Variants in SCARA5 observed in about 807,000 individuals in gnomAD.
SCARA5 encodes the protein scavenger receptor class A member 5, also known as scavenger receptor class A, member 5 (putative).
Under a neutral mutation model 46.3 loss-of-function variants are expected in SCARA5, and 45 were observed. The observed-to-expected ratio is 0.97, with a 90% CI of 0.76 to 1.24. SCARA5 has a LOEUF of 1.24. SCARA5 is among the 50% of genes most tolerant of loss of function. The pLI, the probability that SCARA5 is intolerant of heterozygous loss-of-function variation, is 0.00. For synonymous variants in SCARA5, 333 were observed against 306.5 expected (o/e 1.09, Z -0.90); for missense variants, 680 against 689.0 (o/e 0.99, Z 0.15).
intron 2 of SCARA5, among the ~76,000 whole-genome samples, chr8:27,978,336 C>T (rs932345163): frequency 2.0e-5 from 3 of 151,736 alleles, no homozygotes; most frequent in African/African-American, 7.3e-5. Flanking sequence ...TGGCCAGATT[C>T]TTGTGTCTTT....
At chr8:27,988,101 G>A (rs1808731960) in intron 1 of SCARA5, among the ~76,000 whole-genome samples, 1 of 152,208 alleles carries the variant, frequency 6.6e-6, no homozygotes, top group Admixed American at 6.5e-5. Context: ...ATATGAAGGG[G>A]CATTCAGAGG....
chr8:27,972,921 C>T (rs1808468428), intron 2 of SCARA5, among the ~76,000 whole-genome samples: 1 of 152,116 alleles, frequency 6.6e-6, no homozygotes, highest in Admixed American at 6.6e-5. Context: ...ACTGAAAGAA[C>T]CATGTCAGAA....
At chr8:27,916,774 G>C (rs1238393978) in intron 4 of SCARA5, among the ~76,000 whole-genome samples, 1 of 152,202 alleles carries the variant, frequency 6.6e-6, no homozygotes, top group East Asian at 1.9e-4. Flanking sequence ...GTGATAATGA[G>C]AGCTGGAGGC....
Position 27,922,180 on chromosome 8 carries a change from C to A in SCARA5, c.307G>T (p.Glu103Ter). ...CGCAGCTGCAAGTCCCGGAAGCTCT[C>A]ATTCAGCCGGTTCACATTGCGAGTC... is the stretch of plus-strand genomic sequence containing the variant. ...ALTRNVNRLN[E>*]SFRDLQLRLL... is the part of the protein sequence containing the mutation. The change falls in exon 4 of 9, where the codon GAG becomes TAG. Residue 103 changes from glutamate to a stop codon, truncating the protein, a stop_gained. Coordinates refer to ENST00000354914, the MANE Select transcript of SCARA5 (RefSeq NM_173833.6). LOFTEE classifies it high-confidence loss of function. 8 of 1,606,136 alleles carry A rather than the reference C, an allele frequency of 5.0e-6. No homozygotes were observed. The highest frequency in any genetic ancestry group is 6.8e-6 in the Non-Finnish European group (8 of 1,177,120).
chr8:27,938,273 A>G (rs1351516889), intron 3 of SCARA5, among the ~76,000 whole-genome samples: 1 of 152,190 alleles, frequency 6.6e-6, no homozygotes, highest in African/African-American at 2.4e-5. Flanking sequence ...GGGCACAGCA[A>G]TGTGAATATA....
intron 3 of SCARA5, among the ~76,000 whole-genome samples, chr8:27,940,382 A>G (rs1476442664): frequency 6.6e-6 from 1 of 152,190 alleles, no homozygotes; most frequent in Non-Finnish European, 1.5e-5. Flanking sequence ...CTCACAGTGC[A>G]GTAAGATCGT....
At chr8:27,942,554 C>A (rs991139111) in intron 3 of SCARA5, among the ~76,000 whole-genome samples, 1 of 152,212 alleles carries the variant, frequency 6.6e-6, no homozygotes, top group Non-Finnish European at 1.5e-5. Flanking sequence ...GGATCCAGAG[C>A]TGCCTTCCGA....
At chr8:27,948,620 C>T (rs1027000436) in intron 3 of SCARA5, among the ~76,000 whole-genome samples, 6 of 152,196 alleles carry the variant, frequency 3.9e-5, no homozygotes, top group African/African-American at 1.4e-4. Context: ...TCAAACTGGC[C>T]AGTCCCACGG....
intron 3 of SCARA5, among the ~76,000 whole-genome samples, chr8:27,941,233 G>C (rs1157670852): frequency 6.6e-6 from 1 of 152,212 alleles, no homozygotes; most frequent in Admixed American, 6.5e-5. Flanking sequence ...AATCAATTTA[G>C]ATTTAGAATA....
intron 3 of SCARA5, among the ~76,000 whole-genome samples, chr8:27,938,504 T>C (rs1045371495): frequency 6.6e-6 from 1 of 152,352 alleles, no homozygotes; most frequent in Admixed American, 6.5e-5. Flanking sequence ...ATTTAGACTG[T>C]GTTCTCAAAC....
chr8:27,899,341 G>A (rs1807113889), intron 7 of SCARA5, among the ~76,000 whole-genome samples: 1 of 152,166 alleles, frequency 6.6e-6, no homozygotes, highest in Non-Finnish European at 1.5e-5. Flanking sequence ...GAGTGAGCAG[G>A]GGAAATGAAT....
intron 3 of SCARA5, among the ~76,000 whole-genome samples, chr8:27,938,485 A>T (rs1200943874): frequency 2.6e-5 from 4 of 152,218 alleles, no homozygotes; most frequent in African/African-American, 9.6e-5. Context: ...ATAAAACCCT[A>T]TCTGACAAAT....
chr8:27,986,016 G>A (rs907151179), intron 2 of SCARA5, among the ~76,000 whole-genome samples: 1 of 152,136 alleles, frequency 6.6e-6, no homozygotes, highest in Non-Finnish European at 1.5e-5. Flanking sequence ...TCCCACCCCT[G>A]AGGCCCCCCA....
Position 27,921,963 on chromosome 8 carries a change from C to T in SCARA5, c.524G>A (p.Gly175Asp). The change falls in exon 4 of 9, where the codon GGC (glycine) becomes GAC (aspartate). Residue 175 changes from glycine (G) to aspartate (D), a missense_variant. Physicochemically the swap from Gly to Asp is moderately conservative, Grantham distance 94. Around this residue, in one of 3 missense-constraint regions of SCARA5, gnomAD observed 438 missense variants for 384.5 expected, o/e 1.14. Transcript: ENST00000354914. ...CAGCTGCGCCGTGTCGCTCTGCTGGCCCGTGCGGTCCCGCAGCAGGGCCAC... is the reference window on the plus strand; with the variant it reads ...CAGCTGCGCCGTGTCGCTCTGCTGGTCCGTGCGGTCCCGCAGCAGGGCCAC... ...QAVALLRDRT[G>D]QQSDTAQLEL... The T allele has an allele frequency of 2.6e-6, 4 of 1,539,954 alleles. No individual in the cohort carries two copies. The highest frequency in any genetic ancestry group is 2.5e-5 in the South Asian group (2 of 81,592).
rs745632722 is a variant in SCARA5 at position 27,984,046 on chromosome 8, G to A, written c.112+3458C>T. On this transcript the variant is annotated intron_variant, in intron 2 of 8. Coordinates refer to ENST00000354914, the MANE Select transcript of SCARA5 (RefSeq NM_173833.6). ...TAAAGGCTCAAGGGCGGCCCTGACCGGATTCAGGGTGCTGGCTCTCCCTTC... is the reference window on the plus strand; with the variant it reads ...TAAAGGCTCAAGGGCGGCCCTGACCAGATTCAGGGTGCTGGCTCTCCCTTC... Among the ~76,000 whole-genome samples, 6 of 152,224 alleles carry A rather than the reference G, an allele frequency of 3.9e-5. 1 individual carries two copies. The South Asian group carries it at 1.0e-3, about 26-fold the overall frequency.
chr8:27,879,784 T>C lies in SCARA5; in HGVS notation c.1154-18A>G, dbSNP rs1314558075. On this transcript the variant is annotated intron_variant, in intron 7 of 8. Transcript: ENST00000354914. ...CACGCCACCTGCCGGAGCAGCCAAC[T>C]GTCACTACCCAGCTCTAGATACACC... 2.5e-6 allele frequency: 4 copies of C among 1,611,484 alleles called. No individual in the cohort carries two copies. Among genetic ancestry groups the C allele is most frequent in the Non-Finnish European group, 1.7e-6 (2 of 1,179,738 alleles).
At chr8:27,982,388 TG>T (rs1375877345) in intron 2 of SCARA5, among the ~76,000 whole-genome samples, 6 of 47,954 alleles carry the variant, frequency 1.3e-4, no homozygotes, top group African/African-American at 2.5e-4. Context: ...GGGGGTGGGG[TG>T]GGGGGCGGGA....
intron 6 of SCARA5, among the ~76,000 whole-genome samples, chr8:27,906,099 C>G (rs1414597109): frequency 6.6e-6 from 1 of 152,182 alleles, no homozygotes; most frequent in African/African-American, 2.4e-5. Flanking sequence ...GGAAGGAAAA[C>G]CTCAGCCTGT....
At chr8:27,915,806 G>A (rs1251711588) in intron 4 of SCARA5, among the ~76,000 whole-genome samples, 2 of 151,888 alleles carry the variant, frequency 1.3e-5, no homozygotes, top group Non-Finnish European at 2.9e-5. Flanking sequence ...CAAAAAGAGT[G>A]GACTGGATGA....
Sources: gnomAD v4.1 joint callset for allele counts (sites outside exome capture counted in the v4.1 genomes callset) on GRCh38, gnomAD v4.1.1 for gene constraint, gnomAD v4.1.1 regional missense constraint, MANE v1.5 for transcripts, NCBI Gene and HGNC (gene_info 2026-07-23, HGNC 2026-07-21) for gene names.